MYBPC1: variants seen among roughly 807,000 people sequenced by gnomAD.
MYBPC1 encodes the protein myosin-binding protein C, slow-type.
Under a neutral mutation model 147.1 loss-of-function variants are expected in MYBPC1, and 52 were observed. That is an observed-to-expected ratio of 0.35 (90% CI 0.28 to 0.45). The LOEUF (loss-of-function observed/expected upper bound fraction) is 0.45, where lower values mean the gene tolerates loss of function less well. Among genes scored for constraint, MYBPC1 ranks in the 20% least tolerant of loss-of-function variants. The probability of loss-of-function intolerance (pLI) is 1.00; values close to 1 mark genes in which losing one functional copy is unlikely to be tolerated. For missense variants in MYBPC1, 1,228 were observed against 1,440.3 expected (o/e 0.85, Z 2.39); for synonymous variants, 477 against 475.9 (o/e 1.00, Z -0.03).
chr12:101,630,189 A>G (rs1323453292), intron 6 of MYBPC1, among the ~76,000 whole-genome samples: 1 of 152,214 alleles, frequency 6.6e-6, no homozygotes, highest in Non-Finnish European at 1.5e-5. Flanking sequence ...TAATGTTTCC[A>G]AAGTTCATCC....
chr12:101,673,462 T>C lies in MYBPC1; in HGVS notation c.2649T>C (p.Asp883=), dbSNP rs1899152178. 3.7e-6 allele frequency: 6 copies of C among 1,613,376 alleles called. No homozygotes were observed. Among genetic ancestry groups the C allele is most frequent in the Non-Finnish European group, 5.1e-6 (6 of 1,179,982 alleles). ...KPRPELTWKK[D]GAEIDKNQIN... is the part of the protein sequence containing the mutation. Reference sequence around the variant, plus strand: ...GACCAGAATTAACTTGGAAGAAGGATGGTGCAGAAATTGATAAGAATCAAA... The same window carrying C: ...GACCAGAATTAACTTGGAAGAAGGACGGTGCAGAAATTGATAAGAATCAAA... The change falls in exon 25 of 32, where the codon GAT becomes GAC. Residue 883 remains aspartate (D), a synonymous_variant. Transcript: ENST00000361466.
intron 20 of MYBPC1, 133 bp downstream of exon 20, chr12:101,661,395 A>G (rs1896524471): frequency 1.5e-6 from 1 of 659,742 alleles, no homozygotes; most frequent in African/African-American, 1.8e-5. Context: ...TGCATTCAAA[A>G]TGAAATATAT....
At chr12:101,653,002 T>C in intron 17 of MYBPC1, 113 bp from the exon 18 acceptor site, 1 of 1,406,232 alleles carries the variant, frequency 7.1e-7, no homozygotes, top group Non-Finnish European at 9.8e-7. Flanking sequence ...TCCTCTTATA[T>C]TCTTTTTGAT....
intron 18 of MYBPC1, among the ~76,000 whole-genome samples, chr12:101,656,598 T>C (rs1895583734): frequency 1.3e-5 from 2 of 152,056 alleles, no homozygotes; most frequent in Admixed American, 1.3e-4. Flanking sequence ...TTATCTGGAA[T>C]AGAAATGAGC....
chr12:101,651,756 A>G (rs1324806298), intron 16 of MYBPC1, among the ~76,000 whole-genome samples: 2 of 152,152 alleles, frequency 1.3e-5, no homozygotes, highest in African/African-American at 4.8e-5. Flanking sequence ...CCTGGGCTAC[A>G]TGGCAAAACC....
intron 20 of MYBPC1, among the ~76,000 whole-genome samples, chr12:101,661,759 C>T (rs907373434): frequency 4.6e-5 from 7 of 151,642 alleles, no homozygotes; most frequent in African/African-American, 7.3e-5. Flanking sequence ...CATGGTGGTG[C>T]GCACCTGTGG....
rs1220304048 is a variant in MYBPC1 at position 101,675,451 on chromosome 12, G to A, written c.2949+20G>A. The A allele has an allele frequency of 6.2e-7, 1 of 1,613,940 alleles. No homozygotes were observed. Among genetic ancestry groups the A allele is most frequent in the Non-Finnish European group, 8.5e-7 (1 of 1,179,894 alleles). On this transcript the variant is annotated intron_variant, in intron 26 of 31. Coordinates refer to ENST00000361466, the MANE Select transcript of MYBPC1 (RefSeq NM_002465.4). ...AGCATGGTAAGGTCTGGCTTTCTCT[G>A]GTTCATCAGTAGCAAAAGGCACATT...
intron 14 of MYBPC1, among the ~76,000 whole-genome samples, 200 bp downstream of exon 14, chr12:101,648,350 A>T (rs1228780995): frequency 6.6e-6 from 1 of 152,214 alleles, no homozygotes; most frequent in Non-Finnish European, 1.5e-5. Context: ...AGAACCAGAG[A>T]TCTATGTGGG....
At chr12:101,679,680 G>A (rs1043284111) in intron 28 of MYBPC1, among the ~76,000 whole-genome samples, 1 of 152,124 alleles carries the variant, frequency 6.6e-6, no homozygotes, top group Non-Finnish European at 1.5e-5. Flanking sequence ...ATGGGATGAT[G>A]AATATAGACA....
At chr12:101,658,224 T>C (rs1450040368) in intron 18 of MYBPC1, among the ~76,000 whole-genome samples, 1 of 151,158 alleles carries the variant, frequency 6.6e-6, no homozygotes, top group Non-Finnish European at 1.5e-5. Context: ...AGGTATGCAA[T>C]GCTGGCTCAA....
intron 31 of MYBPC1, among the ~76,000 whole-genome samples, chr12:101,685,263 A>G (rs1240204460): frequency 6.6e-6 from 1 of 152,196 alleles, no homozygotes; most frequent in Admixed American, 6.5e-5. Context: ...TAAATCATCT[A>G]TGAGGAATCA....
intron 8 of MYBPC1, among the ~76,000 whole-genome samples, chr12:101,633,669 AGAGT>A (rs1159153875): frequency 6.6e-6 from 1 of 151,128 alleles, no homozygotes; most frequent in Non-Finnish European, 1.5e-5. Context: ...CCTGGGCAAC[AGAGT>A]GAGACTCCGT....
intron 3 of MYBPC1, among the ~76,000 whole-genome samples, chr12:101,625,208 CT>C (rs1433213597): frequency 6.0e-5 from 9 of 151,120 alleles, no homozygotes; most frequent in Admixed American, 2.6e-4. Context: ...ATAAATAAAC[CT>C]GGCAGCTATA....
intron 30 of MYBPC1, among the ~76,000 whole-genome samples, chr12:101,683,489 A>G (rs182531840): frequency 1.3e-5 from 2 of 152,334 alleles, no homozygotes; most frequent in East Asian, 3.9e-4. Context: ...TTACAAATTC[A>G]CAAGTAGAAT....
chr12:101,618,264 A>T (rs1261091533), intron 3 of MYBPC1, among the ~76,000 whole-genome samples: 1 of 152,148 alleles, frequency 6.6e-6, no homozygotes, highest in Admixed American at 6.5e-5. Flanking sequence ...ACTTGAACTT[A>T]TGCTCTCATA....
chr12:101,652,368 A>G (rs1894649940), intron 16 of MYBPC1, among the ~76,000 whole-genome samples: 1 of 152,208 alleles, frequency 6.6e-6, no homozygotes, highest in Non-Finnish European at 1.5e-5. Context: ...CATTATTGAT[A>G]TGTTCTATTT....
At chr12:101,596,374 T>C (rs1268998796) in intron 1 of MYBPC1, among the ~76,000 whole-genome samples, 1 of 152,246 alleles carries the variant, frequency 6.6e-6, no homozygotes, top group East Asian at 1.9e-4. Context: ...GTCCAACCCC[T>C]GCTAAAGTAT....
intron 24 of MYBPC1, among the ~76,000 whole-genome samples, chr12:101,673,076 GT>G (rs1421114929): frequency 6.6e-6 from 1 of 152,182 alleles, no homozygotes; most frequent in Non-Finnish European, 1.5e-5. Context: ...ATCCTGTGTT[GT>G]GCAGGCTTTT....
chr12:101,612,344 T>G (rs1232085501), intron 1 of MYBPC1, among the ~76,000 whole-genome samples: 2 of 152,044 alleles, frequency 1.3e-5, no homozygotes, highest in Admixed American at 6.5e-5. Context: ...TAAGGCAGAG[T>G]CAGGATTCAG....
Sources: allele counts gnomAD v4.1 joint callset (sites outside exome capture counted in the v4.1 genomes callset), GRCh38; gene constraint gnomAD v4.1.1; transcripts MANE v1.5; gene names NCBI Gene and HGNC (gene_info 2026-07-23, HGNC 2026-07-21).